The following CBFA2T3 variants were observed in gnomAD, a reference collection of about 807,000 sequenced individuals.
CBFA2T3 encodes transcriptional corepressor CBFA2T3.
CBFA2T3 carries 31 observed loss-of-function variants against 58.6 expected under a neutral mutation model. The observed-to-expected ratio is 0.53, with a 90% CI of 0.40 to 0.71. The LOEUF (loss-of-function observed/expected upper bound fraction) is 0.71, where lower values mean the gene tolerates loss of function less well. Ranked by LOEUF, CBFA2T3 falls within the 30% of genes least tolerant of loss-of-function variation. The pLI is 0.00. For missense variants in CBFA2T3, 1,076 were observed against 963.1 expected (o/e 1.12, Z -1.55); for synonymous variants, 531 against 421.9 (o/e 1.26, Z -3.17).
intron 1 of CBFA2T3, among the ~76,000 whole-genome samples, chr16:88,920,224 C>G (rs1970867449): frequency 6.6e-6 from 1 of 152,250 alleles, no homozygotes; most frequent in South Asian, 2.1e-4. Flanking sequence ...GGAGCCCCAA[C>G]TGGCTGCCAA....
At chr16:88,975,130 T>TCCTCA (rs1408597259) in intron 1 of CBFA2T3, among the ~76,000 whole-genome samples, 6 of 146,324 alleles carry the variant, frequency 4.1e-5, no homozygotes, top group Non-Finnish European at 7.4e-5. Context: ...GGCCCTCTGC[T>TCCTCA]CCTGACCTGC....
At chr16:88,891,589 A>T (rs1003277911) in intron 5 of CBFA2T3, among the ~76,000 whole-genome samples, 5 of 152,220 alleles carry the variant, frequency 3.3e-5, no homozygotes, top group African/African-American at 1.2e-4. Context: ...CCAGAGGCGA[A>T]CCGGACAGCT....
At chr16:88,904,163 C>G (rs1184529652) in intron 1 of CBFA2T3, among the ~76,000 whole-genome samples, 1 of 152,224 alleles carries the variant, frequency 6.6e-6, no homozygotes, top group African/African-American at 2.4e-5. Context: ...CTAGAGCAGA[C>G]AGTGCCCTGC....
intron 1 of CBFA2T3, among the ~76,000 whole-genome samples, chr16:88,942,069 T>C (rs1040638265): frequency 2.0e-5 from 3 of 152,078 alleles, no homozygotes; most frequent in Admixed American, 1.3e-4. Context: ...CGGGGCCAGG[T>C]CATTTGCATA....
chr16:88,912,063 T>C (rs1161544045), intron 1 of CBFA2T3, among the ~76,000 whole-genome samples: 1 of 152,192 alleles, frequency 6.6e-6, no homozygotes, highest in East Asian at 1.9e-4. Context: ...GACGAAAATC[T>C]CACAAACTCC....
chr16:88,919,938 T>C (rs150648090), intron 1 of CBFA2T3, among the ~76,000 whole-genome samples: 1 of 152,186 alleles, frequency 6.6e-6, no homozygotes, highest in Admixed American at 6.5e-5. Context: ...AGCATGAGAA[T>C]TGATGAGAAT....
chr16:88,881,300 G>C lies in CBFA2T3; in HGVS notation c.1393C>G (p.Pro465Ala). Residue 465 changes from proline to alanine, a missense_variant, in exon 9 of 12, where the codon CCT becomes GCT. Physicochemically the swap from Pro to Ala is conservative, Grantham distance 27. Coordinates refer to ENST00000268679, the MANE Select transcript of CBFA2T3 (RefSeq NM_005187.6). The stretch of plus-strand genomic sequence containing the variant: ...CACACCCCACACGCACCTAGCTGAG[G>C]CCCTTCGGGACCGGCGGAGCTGCTG... ...PRSSSAGPEGPQLDVPREFLP... is the reference protein window; with the variant it reads ...PRSSSAGPEGAQLDVPREFLP... The C allele has an allele frequency of 6.3e-7, 1 of 1,592,420 alleles. No homozygotes were observed. Among genetic ancestry groups the C allele is most frequent in the Non-Finnish European group, 8.5e-7 (1 of 1,170,662 alleles).
At chr16:88,973,684 G>A (rs566582170) in intron 1 of CBFA2T3, among the ~76,000 whole-genome samples, 1 of 152,314 alleles carries the variant, frequency 6.6e-6, no homozygotes, top group Admixed American at 6.5e-5. Flanking sequence ...AGCTGGGCCT[G>A]GATGGCCACT....
At position 88,898,156 on chromosome 16, in the gene CBFA2T3, T is replaced by C. The variant is rs773010652; in HGVS notation, c.305-4A>G. 2 of 1,610,148 alleles carry C rather than the reference T, an allele frequency of 1.2e-6. No homozygotes were observed. Among genetic ancestry groups the C allele is most frequent in the South Asian group, 1.1e-5 (1 of 91,056 alleles). On this transcript the variant is annotated splice_region_variant and splice_polypyrimidine_tract_variant and intron_variant, in intron 2 of 11. Coordinates refer to ENST00000268679, the MANE Select transcript of CBFA2T3 (RefSeq NM_005187.6). Reference sequence around the variant, plus strand: ...GTCGCAGGCCCGTCCTCTCGATCTGTAAGCAAAATAAGAAGAACACGCTGT... The same window carrying C: ...GTCGCAGGCCCGTCCTCTCGATCTGCAAGCAAAATAAGAAGAACACGCTGT...
At chr16:88,942,049 C>A (rs920680778) in intron 1 of CBFA2T3, among the ~76,000 whole-genome samples, 19 of 152,102 alleles carry the variant, frequency 1.2e-4, no homozygotes, top group Non-Finnish European at 2.2e-4. Flanking sequence ...CCCTCGCTTC[C>A]CGCGGGTCCC....
At chr16:88,911,680 G>A (rs986791842) in intron 1 of CBFA2T3, among the ~76,000 whole-genome samples, 1 of 152,284 alleles carries the variant, frequency 6.6e-6, no homozygotes, top group Non-Finnish European at 1.5e-5. Flanking sequence ...AAAGCGTCTA[G>A]AACAGAGCGC....
At chr16:88,947,652 A>T (rs1971937961) in intron 1 of CBFA2T3, among the ~76,000 whole-genome samples, 2 of 152,216 alleles carry the variant, frequency 1.3e-5, no homozygotes, top group South Asian at 4.1e-4. Flanking sequence ...GGTGGCTCAC[A>T]CCTGTAATCC....
intron 5 of CBFA2T3, among the ~76,000 whole-genome samples, chr16:88,890,890 T>A (rs925361281): frequency 2.6e-5 from 4 of 152,136 alleles, no homozygotes; most frequent in Non-Finnish European, 5.9e-5. Context: ...ATTTTTATAT[T>A]TTTTGTAGAG....
intron 1 of CBFA2T3, among the ~76,000 whole-genome samples, chr16:88,975,154 GTCCA>G (rs1567643868): frequency 4.2e-5 from 6 of 144,362 alleles, no homozygotes; most frequent in African/African-American, 7.7e-5. Context: ...CATGTCAGAG[GTCCA>G]CCCTGACCCT....
chr16:88,959,162 AG>A (rs1972302623), intron 1 of CBFA2T3, among the ~76,000 whole-genome samples: 1 of 152,238 alleles, frequency 6.6e-6, no homozygotes, highest in Non-Finnish European at 1.5e-5. Flanking sequence ...CCTTACTGGC[AG>A]GCACGCCACA....
chr16:88,903,520 G>C (rs910066840), intron 1 of CBFA2T3, among the ~76,000 whole-genome samples: 4 of 152,210 alleles, frequency 2.6e-5, no homozygotes, highest in Non-Finnish European at 5.9e-5. Context: ...CTGTCCGGAG[G>C]CTGATGGCTG....
rs147844245 is a variant in CBFA2T3 at position 88,923,228 on chromosome 16, G to A, written c.152-21572C>T. ...TCCACTGGTGTGGGCGAGTCCCCTG[G>A]CCTTGCTGGGCCTCAGCGTTCTCCC... On this transcript the variant is annotated intron_variant, in intron 1 of 11. Transcript: ENST00000268679. Among the ~76,000 whole-genome samples the A allele has an allele frequency of 6.0e-3, 908 of 152,318 alleles. 4 individuals carry two copies. The highest frequency in any genetic ancestry group is 0.031 in the Middle Eastern group (9 of 294).
chr16:88,930,680 G>C (rs1971265395), intron 1 of CBFA2T3, among the ~76,000 whole-genome samples: 2 of 137,154 alleles, frequency 1.5e-5, no homozygotes, highest in African/African-American at 5.4e-5. Flanking sequence ...GCTGGGGGTG[G>C]AGGAGCGAGG....
intron 1 of CBFA2T3, among the ~76,000 whole-genome samples, chr16:88,926,662 C>A (rs1971094455): frequency 6.6e-6 from 1 of 152,226 alleles, no homozygotes; most frequent in Admixed American, 6.5e-5. Context: ...AGGATCTTCC[C>A]AAGGGACAAG....
Sources: gnomAD v4.1 joint callset for allele counts (sites outside exome capture counted in the v4.1 genomes callset) on GRCh38, gnomAD v4.1.1 for gene constraint, MANE v1.5 for transcripts, NCBI Gene and HGNC (gene_info 2026-07-23, HGNC 2026-07-21) for gene names.